The following UACA variants were observed in gnomAD, a reference collection of about 807,000 sequenced individuals.
UACA encodes uveal autoantigen with coiled-coil domains and ankyrin repeats, also known as nuclear membrane binding protein.
UACA carries 112 observed loss-of-function variants against 160.5 expected under a neutral mutation model. The observed-to-expected ratio is 0.70, with a 90% CI of 0.60 to 0.82. UACA has a LOEUF of 0.82. Ranked by LOEUF, UACA falls within the 40% of genes least tolerant of loss-of-function variation. The pLI is 0.00. For synonymous variants in UACA, 557 were observed against 568.4 expected, an observed-to-expected ratio of 0.98 and a Z score of 0.29; for missense variants, 1,574 against 1,614.6, an observed-to-expected ratio of 0.97 and a Z score of 0.43.
the UACA span, among the ~76,000 whole-genome samples, chr15:70,774,432 G>A: frequency 6.6e-6 from 1 of 151,746 alleles, no homozygotes; most frequent in African/African-American, 2.4e-5. Context: ...TGTAGTCCCA[G>A]CTACTCGGGA....
At chr15:70,770,732 C>G in the UACA span, among the ~76,000 whole-genome samples, 1 of 152,170 alleles carries the variant, frequency 6.6e-6, no homozygotes, top group Admixed American at 6.5e-5. Context: ...TACTTGAGAT[C>G]AAGACATCGC....
chr15:70,676,815 T>TAAA (rs1897316834), intron 12 of UACA, among the ~76,000 whole-genome samples: 1 of 152,224 alleles, frequency 6.6e-6, no homozygotes, highest in Non-Finnish European at 1.5e-5. Context: ...ATCTCTGTTT[T>TAAA]CAATCTTAAT....
chr15:70,708,715 C>A (rs1388835920), intron 1 of UACA, among the ~76,000 whole-genome samples: 1 of 152,182 alleles, frequency 6.6e-6, no homozygotes. Flanking sequence ...AAGTGATCTG[C>A]CCACGTCGGC....
Position 70,684,991 on chromosome 15 carries a change from C to T in UACA, c.603-545G>A, listed in dbSNP as rs547119956. 2.6e-5 allele frequency among the ~76,000 whole-genome samples: 4 copies of T among 152,142 alleles called. No homozygotes were observed. In the South Asian group the frequency reaches 8.3e-4, roughly 32 times the overall value. On this transcript the variant is annotated intron_variant, in intron 7 of 18. Coordinates refer to ENST00000322954, the MANE Select transcript of UACA (RefSeq NM_018003.4). ...TACTGTCACCCCATGTGATCAAAAC[C>T]CAACTTTTTCAGTCCCTTCATGAAC...
chr15:70,726,357 A>G (rs748887446), intron 1 of UACA, among the ~76,000 whole-genome samples: 3 of 152,178 alleles, frequency 2.0e-5, no homozygotes, highest in Admixed American at 6.5e-5. Flanking sequence ...TACAAGATGT[A>G]TATCTGAGCA....
chr15:70,685,790 T>TC (rs1345128649), intron 7 of UACA, among the ~76,000 whole-genome samples: 1 of 151,986 alleles, frequency 6.6e-6, no homozygotes, highest in African/African-American at 2.4e-5. Context: ...AATTTAACTT[T>TC]TTTTTTTTTG....
Position 70,667,490 on chromosome 15 carries a change from G to C in UACA, c.3194C>G (p.Thr1065Arg), listed in dbSNP as rs367717515. The part of the protein sequence containing the change: ...HEMERALSRK[T>R]DELNKQLKDL... The stretch of plus-strand genomic sequence containing the variant: ...TTTTAACTGTTTGTTTAGCTCGTCT[G>C]TTTTTCTGCTTAATGCTCTTTCCAT... Residue 1065 changes from threonine (T) to arginine (R), a missense_variant, in exon 16 of 19, where the codon ACA becomes AGA. Physicochemically the swap from Thr to Arg is moderately conservative, Grantham distance 71 (BLOSUM62 -1). Coordinates refer to ENST00000322954, the MANE Select transcript of UACA (RefSeq NM_018003.4). 3.5e-5 allele frequency: 56 copies of C among 1,611,450 alleles called. No homozygotes were observed. Among genetic ancestry groups the C allele is most frequent in the Non-Finnish European group, 4.7e-5 (55 of 1,179,800 alleles).
At chr15:70,689,179 G>A (rs112553413) in intron 5 of UACA, among the ~76,000 whole-genome samples, 1,719 of 152,246 alleles carry the variant, frequency 0.011, 29 homozygotes, top group African/African-American at 0.04. Flanking sequence ...TGCAGTTAAG[G>A]AAGATACTCA....
chr15:70,775,883 T>C, the UACA span, among the ~76,000 whole-genome samples: 1 of 152,244 alleles, frequency 6.6e-6, no homozygotes, highest in Non-Finnish European at 1.5e-5. Context: ...GAAATTTAAC[T>C]TAATGCCATC....
chr15:70,674,510 TA>T (rs1431839369), intron 13 of UACA, among the ~76,000 whole-genome samples: 1 of 151,990 alleles, frequency 6.6e-6, no homozygotes, highest in Admixed American at 6.6e-5. Flanking sequence ...TAAGTATTTT[TA>T]TAAGAAAAAT....
intron 18 of UACA, among the ~76,000 whole-genome samples, chr15:70,657,467 C>A (rs1273714183): frequency 6.6e-6 from 1 of 151,810 alleles, no homozygotes; most frequent in Non-Finnish European, 1.5e-5. Flanking sequence ...AAAAATTAGA[C>A]GGGTGTAATC....
chr15:70,772,569 T>G, the UACA span, among the ~76,000 whole-genome samples: 3 of 151,420 alleles, frequency 2.0e-5, no homozygotes, highest in African/African-American at 7.3e-5. Context: ...ATGGGAGCTA[T>G]GTTTCCAAGG....
At chr15:70,753,906 C>T (rs1028427422) in intron 1 of UACA, among the ~76,000 whole-genome samples, 5 of 152,150 alleles carry the variant, frequency 3.3e-5, no homozygotes, top group African/African-American at 9.7e-5. Context: ...CCCAGGTTCA[C>T]GCCATTGTCC....
At chr15:70,720,370 T>C (rs1224587249) in intron 1 of UACA, among the ~76,000 whole-genome samples, 1 of 152,224 alleles carries the variant, frequency 6.6e-6, no homozygotes, top group Admixed American at 6.5e-5. Context: ...TGCAGTTGTA[T>C]GATCATGACT....
At chr15:70,719,889 A>AC (rs932191359) in intron 1 of UACA, among the ~76,000 whole-genome samples, 49 of 152,282 alleles carry the variant, frequency 3.2e-4, no homozygotes, top group African/African-American at 1.2e-3. Flanking sequence ...ATTGCTAAGG[A>AC]CCCACAATTG....
chr15:70,674,261 A>C (rs571385105), intron 13 of UACA, among the ~76,000 whole-genome samples: 1 of 152,326 alleles, frequency 6.6e-6, no homozygotes, highest in Admixed American at 6.5e-5. Flanking sequence ...CATATCTAGC[A>C]TAAAATTTCA....
chr15:70,671,958 T>C lies in UACA; in HGVS notation c.1168+7A>G. On this transcript the variant is annotated splice_region_variant and intron_variant, in intron 14 of 18. Transcript: ENST00000322954. ...ACTGTAATGATAATCCATACTTTTA[T>C]ACTTACGGTTACTGAAATGACTTCC... 2 of 1,596,272 alleles carry C rather than the reference T, an allele frequency of 1.3e-6. No homozygotes were observed. The highest frequency in any genetic ancestry group is 1.7e-6 in the Non-Finnish European group (2 of 1,171,212).
Position 70,666,912 on chromosome 15 carries a change from A to T in UACA, c.3772T>A (p.Cys1258Ser). The T allele has an allele frequency of 2.5e-6, 4 of 1,612,866 alleles. No individual in the cohort carries two copies. Among genetic ancestry groups the T allele is most frequent in the Non-Finnish European group, 3.4e-6 (4 of 1,179,772 alleles). The change falls in exon 16 of 19, where the codon TGT (cysteine) becomes AGT (serine). Residue 1258 changes from cysteine (C) to serine (S), a missense_variant. Physicochemically the swap from Cys to Ser is moderately radical, Grantham distance 112 (BLOSUM62 -1). Transcript: ENST00000322954. ...TTTTTGGCATGCAAAACTTCCTCAC[A>T]TACTTCCTCATACTTTCTATTCAGA... ...ANLNRKYEEV[C>S]EEVLHAKKKE...
chr15:70,753,587 A>G (rs1423431504), intron 1 of UACA, among the ~76,000 whole-genome samples: 3 of 152,216 alleles, frequency 2.0e-5, no homozygotes, highest in Admixed American at 2.0e-4. Context: ...TTTAACTTGC[A>G]TCTGAAATGA....
Sources: allele counts gnomAD v4.1 joint callset (sites outside exome capture counted in the v4.1 genomes callset), GRCh38; gene constraint gnomAD v4.1.1; transcripts MANE v1.5; gene names NCBI Gene and HGNC (gene_info 2026-07-23, HGNC 2026-07-21).